GNA13: variants seen among roughly 807,000 people sequenced by gnomAD.
GNA13 encodes guanine nucleotide-binding protein subunit alpha-13.
A neutral mutation model predicts 33.5 loss-of-function variants in GNA13; 4 were observed. The observed-to-expected ratio is 0.12, with a 90% confidence interval of 0.06 to 0.27. The LOEUF is 0.27. GNA13 is among the 10% of genes least tolerant of loss of function. GNA13 has a pLI of 1.00. For synonymous variants in GNA13, 176 were observed against 183.8 expected (o/e 0.96, Z 0.34); for missense variants, 319 against 487.2 (o/e 0.65, Z 3.25).
In GNA13 at chr17:65,035,421, A is replaced by G. The variant is rs574327028; in HGVS notation, c.511-17118T>C. ...AAAGTACAAACAAGCTTATCTCAAC[A>G]TCCAATATCGTATTCAAATACTGGA... is the stretch of plus-strand genomic sequence containing the variant. On this transcript the variant is annotated intron_variant, in intron 2 of 3. Transcript: ENST00000439174. Among the ~76,000 whole-genome samples the G allele has an allele frequency of 1.4e-3, 214 of 152,340 alleles. 1 individual carries two copies. Among genetic ancestry groups the G allele is most frequent in the Non-Finnish European group, 2.5e-3 (173 of 68,042 alleles).
At chr17:65,045,439 G>GGGAAGT (rs1286704797) in intron 2 of GNA13, among the ~76,000 whole-genome samples, 1 of 150,832 alleles carries the variant, frequency 6.6e-6, no homozygotes, top group Non-Finnish European at 1.5e-5. Context: ...GCTTGAACCT[G>GGGAAGT]GGAAGTGGAA....
chr17:65,045,673 T>TA (rs1907634774), intron 2 of GNA13, among the ~76,000 whole-genome samples: 3 of 152,180 alleles, frequency 2.0e-5, no homozygotes, highest in African/African-American at 7.2e-5. Context: ...AATTTACTAT[T>TA]AAACATTGCT....
intron 2 of GNA13, among the ~76,000 whole-genome samples, chr17:65,030,311 T>C (rs1476699472): frequency 1.3e-5 from 2 of 152,356 alleles, no homozygotes; most frequent in East Asian, 3.9e-4. Context: ...CAAGCAGGGC[T>C]ATTAACTACT....
rs1200764850 is a variant in GNA13, at chr17:65,013,396, T to C, written c.*861A>G. 4.8e-6 allele frequency: 1 copy of C among 210,202 alleles called. No individual in the cohort carries two copies. Among genetic ancestry groups the C allele is most frequent in the African/African-American group, 2.3e-5 (1 of 44,114 alleles). 13.0% of individuals were successfully genotyped at this position (210,202 alleles called of 1,614,324 possible). A position where few individuals can be genotyped will look rare whatever the true frequency, so the allele number is the denominator to read the frequency against. On this transcript the variant is annotated 3_prime_UTR_variant, in exon 4 of 4. Transcript: ENST00000439174. ...CTTAAAAGTCAAATACATGACATTC[T>C]GGAACAGGTTAAGTTTATTTAGAAA...
chr17:65,016,506 G>A (rs1353823209), intron 3 of GNA13, among the ~76,000 whole-genome samples: 4 of 152,174 alleles, frequency 2.6e-5, no homozygotes, highest in Non-Finnish European at 4.4e-5. Context: ...GATTACAGGT[G>A]TGCACCACCA....
In GNA13 at chr17:65,056,361, T is replaced by C. The variant is rs1598505850; in HGVS notation, c.233A>G (p.Gln78Arg). The change falls in exon 1 of 4, where the codon CAG becomes CGG. Residue 78 changes from glutamine (Q) to arginine (R), a missense_variant. Physicochemically the swap from Gln to Arg is conservative, Grantham distance 43. This residue lies in a region of GNA13 where 136 missense variants were observed against 159.3 expected (regional missense o/e 0.85). Coordinates refer to ENST00000439174, the MANE Select transcript of GNA13 (RefSeq NM_006572.6). ...MRIIHGQDFD[Q>R]RAREEFRPTI... ...GGGGCGGAACTCCTCGCGCGCGCGC[T>C]GGTCGAAGTCCTGCCCGTGGATGAT... is the stretch of plus-strand genomic sequence containing the variant. The C allele has an allele frequency of 6.2e-7, 1 of 1,607,136 alleles. No homozygotes were observed. The highest frequency in any genetic ancestry group is 8.5e-7 in the Non-Finnish European group (1 of 1,176,244).
chr17:65,032,747 G>A (rs918897888), intron 2 of GNA13, among the ~76,000 whole-genome samples: 1 of 151,484 alleles, frequency 6.6e-6, no homozygotes, highest in East Asian at 1.9e-4. Flanking sequence ...TATTCTATTG[G>A]TCTTTATCTT....
At chr17:65,031,606 A>G (rs1285103772) in intron 2 of GNA13, among the ~76,000 whole-genome samples, 1 of 152,162 alleles carries the variant, frequency 6.6e-6, no homozygotes, top group African/African-American at 2.4e-5. Context: ...TTATATACCT[A>G]TAATATACTT....
intron 2 of GNA13, among the ~76,000 whole-genome samples, chr17:65,025,463 T>A (rs1241986197): frequency 6.6e-6 from 1 of 152,146 alleles, no homozygotes; most frequent in Non-Finnish European, 1.5e-5. Context: ...TAACTCAGAT[T>A]TTGTGGTTAA....
intron 2 of GNA13, among the ~76,000 whole-genome samples, chr17:65,033,175 T>C (rs1462213744): frequency 1.3e-5 from 2 of 151,910 alleles, no homozygotes; most frequent in African/African-American, 2.4e-5. Flanking sequence ...AGGGTAATAC[T>C]GTCATTGTTA....
At chr17:65,035,475 T>C (rs1349316741) in intron 2 of GNA13, among the ~76,000 whole-genome samples, 1 of 152,214 alleles carries the variant, frequency 6.6e-6, no homozygotes, top group East Asian at 1.9e-4. Context: ...TCAGCAGAGA[T>C]GTCCTGAGGT....
chr17:65,050,645 T>C (rs1295210812), intron 2 of GNA13, among the ~76,000 whole-genome samples: 1 of 151,990 alleles, frequency 6.6e-6, no homozygotes, highest in Non-Finnish European at 1.5e-5. Flanking sequence ...AGCTGGAGAA[T>C]CACTTGAGCC....
chr17:65,042,908 CTTTA>C (rs1230952241), intron 2 of GNA13, among the ~76,000 whole-genome samples: 1 of 152,018 alleles, frequency 6.6e-6, no homozygotes, highest in Non-Finnish European at 1.5e-5. Context: ...GTTTATACTG[CTTTA>C]TTTTTCTATG....
chr17:65,022,177 A>G (rs1245344443), intron 2 of GNA13, among the ~76,000 whole-genome samples: 4 of 152,202 alleles, frequency 2.6e-5, no homozygotes, highest in African/African-American at 9.7e-5. Context: ...TTCGAACTTC[A>G]ACATCCATAA....
intron 2 of GNA13, among the ~76,000 whole-genome samples, chr17:65,038,037 T>C (rs984747920): frequency 6.6e-6 from 1 of 152,134 alleles, no homozygotes; most frequent in Non-Finnish European, 1.5e-5. Context: ...AACCTAGTAC[T>C]TAAGCTCGTT....
chr17:65,056,249 G>GCCCCCCCCGCCCCCCCCCCC, intron 1 of GNA13, 62 bp downstream of exon 1: 4 of 774,834 alleles, frequency 5.2e-6, no homozygotes, highest in East Asian at 4.2e-5. Flanking sequence ...GCCCCGCCCC[G>GCCCCCCCCGCCCCCCCCCCC]CACCCGCCGC....
At chr17:65,053,211 T>C in intron 2 of GNA13, 1 of 331,718 alleles carries the variant, frequency 3.0e-6, no homozygotes, top group Non-Finnish European at 5.5e-6. Context: ...AATATCTGCA[T>C]ACATATGAGA....
chr17:65,021,107 T>C (rs1471820125), intron 2 of GNA13, among the ~76,000 whole-genome samples: 1 of 152,206 alleles, frequency 6.6e-6, no homozygotes, highest in African/African-American at 2.4e-5. Context: ...AGAGTAAAAG[T>C]AGCATGGCAC....
In GNA13 at chr17:65,056,483, G is replaced by A. The variant is rs1431023781; in HGVS notation, c.111C>T (p.Cys37=). 6.2e-7 allele frequency: 1 copy of A among 1,613,756 alleles called. No homozygotes were observed. Among genetic ancestry groups the A allele is most frequent in the South Asian group, 1.1e-5 (1 of 91,084 alleles). Residue 37 remains cysteine, a synonymous_variant, in exon 1 of 4, where the codon TGC becomes TGT. Coordinates refer to ENST00000439174, the MANE Select transcript of GNA13 (RefSeq NM_006572.6). ...QQRKSKEIDK[C]LSREKTYVKR... ...TCACATAGGTCTTTTCCCGAGACAG[G>A]CATTTGTCGATCTCCTTGGACTTGC...
Sources: gnomAD v4.1 joint callset for allele counts (sites outside exome capture counted in the v4.1 genomes callset) on GRCh38, gnomAD v4.1.1 for gene constraint, gnomAD v4.1.1 regional missense constraint, MANE v1.5 for transcripts, NCBI Gene and HGNC (gene_info 2026-07-23, HGNC 2026-07-21) for gene names.